The following YJEFN3 variants were observed in gnomAD, a reference collection of about 807,000 sequenced individuals.
The protein encoded by YJEFN3 is yjeF N-terminal domain-containing protein 3.
YJEFN3 carries 29 observed loss-of-function variants against 31.5 expected under a neutral mutation model. The observed-to-expected ratio is 0.92, with a 90% CI of 0.69 to 1.26. YJEFN3 has a LOEUF of 1.26. YJEFN3 is among the 50% of genes most tolerant of loss of function. The pLI is 0.00. For missense variants in YJEFN3, 442 were observed against 425.4 expected (o/e 1.04, Z -0.34); for synonymous variants, 227 against 196.1 (o/e 1.16, Z -1.32).
chr19:19,536,633 C>G (rs931939024), intron 6 of YJEFN3, among the ~76,000 whole-genome samples: 1 of 150,652 alleles, frequency 6.6e-6, no homozygotes, highest in Admixed American at 6.6e-5. Context: ...GAGCTGAGAT[C>G]GTGCCACTGC....
chr19:19,537,235 A>G, intron 6 of YJEFN3, 84 bp from the exon 7 acceptor site: 1 of 1,269,600 alleles, frequency 7.9e-7, no homozygotes, highest in Non-Finnish European at 1.1e-6. Context: ...AGGGGAGAGG[A>G]GAGGAGGCAG....
At chr19:19,537,004 A>G (rs537251557) in intron 6 of YJEFN3, among the ~76,000 whole-genome samples, 1 of 152,186 alleles carries the variant, frequency 6.6e-6, no homozygotes, top group African/African-American at 2.4e-5. Flanking sequence ...GTAGGATAGG[A>G]GCAGAAGCAG....
At chr19:19,535,981 C>T in intron 6 of YJEFN3, 1 of 566,746 alleles carries the variant, frequency 1.8e-6, no homozygotes, top group South Asian at 2.2e-5. Flanking sequence ...CGCGCCCGCC[C>T]TGGCTGCCGC....
intron 2 of YJEFN3, among the ~76,000 whole-genome samples, chr19:19,530,870 G>A (rs1010246871): frequency 4.6e-5 from 7 of 152,106 alleles, no homozygotes; most frequent in Admixed American, 1.3e-4. Flanking sequence ...CTCTGTCTCC[G>A]TCTTTATGTG....
rs1162503379 is a variant in YJEFN3, at chr19:19,529,415, C to T, written c.111C>T (p.Ser37=). Residue 37 remains serine (S), a synonymous_variant, in exon 2 of 7, where the codon AGC becomes AGT. Transcript: ENST00000514277. ...CCGACATGGGAAGAGCGGAGCTTAG[C>T]TCAAATGCTACCACCTCCCTTGTCC... The part of the protein sequence containing the change: ...PLADMGRAEL[S]SNATTSLVQR... 6.2e-7 allele frequency: 1 copy of T among 1,614,138 alleles called. No homozygotes were observed. The highest frequency in any genetic ancestry group is 1.3e-5 in the African/African-American group (1 of 75,046).
chr19:19,530,574 C>T (rs2061145921), intron 2 of YJEFN3, among the ~76,000 whole-genome samples: 1 of 152,186 alleles, frequency 6.6e-6, no homozygotes, highest in Non-Finnish European at 1.5e-5. Flanking sequence ...CTCCCTGCAC[C>T]CTCCTGCGGG....
chr19:19,531,718 CTTTTTTTTTTTTTTTTTTTTT>C (rs56747140), intron 2 of YJEFN3, among the ~76,000 whole-genome samples: 1 of 75,864 alleles, frequency 1.3e-5, no homozygotes, highest in African/African-American at 7.5e-5. Flanking sequence ...AACAAATAAC[CTTTTTTTTTTTTTTTTTTTTT>C]TTTTTTTTTG....
chr19:19,537,458 CG>C lies in YJEFN3; in HGVS notation c.835del (p.Val279CysfsTer35), dbSNP rs2061222523. The C allele has an allele frequency of 1.5e-5, 24 of 1,587,384 alleles. No individual in the cohort carries two copies. The South Asian group carries it at 2.2e-4, about 15-fold the overall frequency. On this transcript the variant is annotated frameshift_variant, in exon 7 of 7. Transcript: ENST00000514277. LOFTEE classifies it high-confidence loss of function. Reference protein sequence around the residue: ...FVAGRFVPDDVRRKFALRLPG... With the variant: ...FVAGRFVPDDXRRKFALRLPG... ...TGGCCGGCAGGTTCGTGCCCGATGA[CG>C]TGCGCCGCAAGTTCGCTCTGCGCCT...
intron 6 of YJEFN3, chr19:19,536,097 T>C: frequency 2.2e-6 from 1 of 452,272 alleles, no homozygotes; most frequent in Non-Finnish European, 3.9e-6. Context: ...GTCCCCTGGC[T>C]CTCGGGATCC....
Position 19,529,396 on chromosome 19 carries a change from T to G in YJEFN3, c.92T>G (p.Met31Arg). ...GAGCTGCAGCCCCCACTTGCCGACA[T>G]GGGAAGAGCGGAGCTTAGCTCAAAT... ...ALELQPPLAD[M>R]GRAELSSNAT... is the part of the protein sequence containing the mutation. The change falls in exon 2 of 7, where the codon ATG becomes AGG. Residue 31 changes from methionine to arginine, a missense_variant. Transcript: ENST00000514277. 1.2e-6 allele frequency: 2 copies of G among 1,611,788 alleles called. No homozygotes were observed. The highest frequency in any genetic ancestry group is 1.7e-6 in the Non-Finnish European group (2 of 1,178,782).
chr19:19,534,291 A>G lies in YJEFN3; in HGVS notation c.319-743A>G, dbSNP rs2061185590. The G allele has an allele frequency of 8.1e-6, 4 of 494,716 alleles. No individual in the cohort carries two copies. In the South Asian group the frequency reaches 3.4e-4, roughly 42 times the overall value. 30.6% of individuals were successfully genotyped at this position (494,716 alleles called of 1,614,324 possible). A position where few individuals can be genotyped will look rare whatever the true frequency, so the allele number is the denominator to read the frequency against. On this transcript the variant is annotated intron_variant, in intron 3 of 6. Transcript: ENST00000514277. This position sits in a 1 kb window ranked among gnomAD's most constrained non-coding sequence, Gnocchi z 4.6. Reference sequence around the variant, plus strand: ...TGGAGAAAGAGAGCCAGAGACATACAGAAAGACAGAGACACTAGAGTCTGA... The same window carrying G: ...TGGAGAAAGAGAGCCAGAGACATACGGAAAGACAGAGACACTAGAGTCTGA...
intron 5 of YJEFN3, 33 bp downstream of exon 5, chr19:19,535,483 G>C (rs770890304): frequency 9.9e-6 from 16 of 1,613,510 alleles, no homozygotes; most frequent in Non-Finnish European, 1.3e-5. Context: ...GGGGGACATG[G>C]TGTGCAGTGG....
Position 19,533,516 on chromosome 19 carries a change from G to A in YJEFN3, c.318+776G>A, listed in dbSNP as rs372391821. 1,193 of 670,658 alleles carry A rather than the reference G, an allele frequency of 1.8e-3. 4 individuals carry two copies. The highest frequency in any genetic ancestry group is 0.014 in the South Asian group (205 of 14,222). The allele number at this position is 670,658 out of a possible 1,614,324, so 41.5% of individuals were successfully genotyped here. A position where few individuals can be genotyped will look rare whatever the true frequency, so the allele number is the denominator to read the frequency against. ...TCTCTCTCCCTCCTCCTCCCCTTCC[G>A]CCCCTTTCTTCTCTCCTTTCTCCTT... On this transcript the variant is annotated intron_variant, in intron 3 of 6. Transcript: ENST00000514277.
intron 2 of YJEFN3, among the ~76,000 whole-genome samples, chr19:19,530,749 T>C (rs2061147443): frequency 6.6e-6 from 1 of 152,210 alleles, no homozygotes; most frequent in African/African-American, 2.4e-5. Context: ...GAGCTCCTTT[T>C]CCTCACCCCG....
chr19:19,530,290 TG>T (rs952724408), intron 2 of YJEFN3, among the ~76,000 whole-genome samples: 1 of 151,986 alleles, frequency 6.6e-6, no homozygotes, highest in African/African-American at 2.4e-5. Context: ...AAGGCACCAC[TG>T]AACACCCCCA....
intron 5 of YJEFN3, 27 bp downstream of exon 5, chr19:19,535,477 G>A (rs773233918): frequency 1.9e-6 from 3 of 1,613,666 alleles, no homozygotes; most frequent in Non-Finnish European, 2.5e-6. Context: ...AAGCAAGGGG[G>A]ACATGGTGTG....
At chr19:19,536,645 C>G (rs1345341480) in intron 6 of YJEFN3, among the ~76,000 whole-genome samples, 1 of 151,914 alleles carries the variant, frequency 6.6e-6, no homozygotes, top group East Asian at 1.9e-4. Flanking sequence ...TGCCACTGCA[C>G]TCCAGCCTGG....
intron 6 of YJEFN3, 42 bp downstream of exon 6, chr19:19,535,721 T>C (rs1393416511): frequency 6.5e-7 from 1 of 1,539,740 alleles, no homozygotes; most frequent in East Asian, 2.4e-5. Context: ...CTGGGGGGCT[T>C]GGGTGGAGGC....
chr19:19,535,046 C>T lies in YJEFN3; in HGVS notation c.331C>T (p.Pro111Ser). Residue 111 changes from proline to serine, a missense_variant, in exon 4 of 7, where the codon CCC becomes TCC. By Grantham distance (74) the Pro-to-Ser change is moderately conservative (BLOSUM62 -1). Transcript: ENST00000514277. ...CCCCTACCACCAGGCGTTCCCGTTG[C>T]CCGCTCTCTCCCGGAAGCAGAGGAC... ...AVAVTKAFPL[P>S]ALSRKQRTVL... 1 of 1,601,940 alleles carries T rather than the reference C, an allele frequency of 6.2e-7. No individual in the cohort carries two copies. Among genetic ancestry groups the T allele is most frequent in the Non-Finnish European group, 8.5e-7 (1 of 1,173,942 alleles).
Sources: gnomAD v4.1 joint callset for allele counts (sites outside exome capture counted in the v4.1 genomes callset) on GRCh38, gnomAD v4.1.1 for gene constraint, Gnocchi (gnomAD v3.1) non-coding constraint, MANE v1.5 for transcripts, NCBI Gene and HGNC (gene_info 2026-07-23, HGNC 2026-07-21) for gene names.